The following CATSPERD variants were observed in gnomAD, a reference collection of about 807,000 sequenced individuals.
CATSPERD encodes cation channel sperm-associated auxiliary subunit delta.
Under a neutral mutation model 98.1 loss-of-function variants are expected in CATSPERD, and 86 were observed. That is an observed-to-expected ratio of 0.88 (90% CI 0.74 to 1.05). The LOEUF (loss-of-function observed/expected upper bound fraction) is 1.05, where lower values mean the gene tolerates loss of function less well. Among genes scored for constraint, CATSPERD ranks in the 50% least tolerant of loss-of-function variants. CATSPERD has a pLI of 0.00. For synonymous variants in CATSPERD, 394 were observed against 390.2 expected, an observed-to-expected ratio of 1.01 and a Z score of -0.12; for missense variants, 995 against 1,005.7, an observed-to-expected ratio of 0.99 and a Z score of 0.14.
At chr19:5,777,872 C>T (rs1311426601) in intron 21 of CATSPERD, among the ~76,000 whole-genome samples, 2 of 148,546 alleles carry the variant, frequency 1.3e-5, no homozygotes, top group African/African-American at 2.5e-5. Context: ...CAGATTCCAC[C>T]GTTTCAAAAA....
chr19:5,769,475 A>C (rs1213964789), intron 18 of CATSPERD, among the ~76,000 whole-genome samples: 2 of 152,010 alleles, frequency 1.3e-5, no homozygotes, highest in Non-Finnish European at 2.9e-5. Flanking sequence ...CCACTCCAAC[A>C]CTAGGGATCC....
intron 16 of CATSPERD, among the ~76,000 whole-genome samples, chr19:5,765,411 TTCATTCATTCATTCATTC>T (rs2056518893): frequency 1.4e-4 from 5 of 36,382 alleles, no homozygotes; most frequent in Admixed American, 8.9e-4. Context: ...GATTTATTCA[TTCATTCATTCATTCATTC>T]ATTCATTCAT....
rs948117241 is a variant in CATSPERD at position 5,758,036 on chromosome 19, C to A, written c.1368+104C>A. 9.7e-6 allele frequency: 9 copies of A among 928,974 alleles called. No individual in the cohort carries two copies. The African/African-American group carries it at 1.2e-4, about 12-fold the overall frequency. 57.5% of individuals were successfully genotyped at this position (928,974 alleles called of 1,614,324 possible). On this transcript the variant is annotated intron_variant, in intron 14 of 21. Coordinates refer to ENST00000381624, the MANE Select transcript of CATSPERD (RefSeq NM_152784.4). ...ATTTAGGAGTTTCCAGGGTACATAG[C>A]CCGTGGCCGTGCCCCGCGGTGGGAA...
chr19:5,720,752 G>A lies in CATSPERD; in HGVS notation c.15G>A (p.Met5Ile). The A allele has an allele frequency of 1.2e-6, 2 of 1,605,750 alleles. No homozygotes were observed. ...AGCCCAAGTCGATGCTGATGTTGAT[G>A]CTGGTGGCGGCTGTGACCATGTGGC... MLMLMLVAAVTMWLR... is the reference protein window; with the variant it reads MLMLILVAAVTMWLR... The change falls in exon 1 of 22, where the codon ATG becomes ATA. Residue 5 changes from methionine (M) to isoleucine (I), a missense_variant. Physicochemically the swap from Met to Ile is conservative, Grantham distance 10. Coordinates refer to ENST00000381624, the MANE Select transcript of CATSPERD (RefSeq NM_152784.4).
Position 5,751,670 on chromosome 19 carries a change from A to G in CATSPERD, c.1011A>G (p.Ser337=), listed in dbSNP as rs2056224169. 6 of 1,607,436 alleles carry G rather than the reference A, an allele frequency of 3.7e-6. No homozygotes were observed. The highest frequency in any genetic ancestry group is 5.1e-6 in the Non-Finnish European group (6 of 1,175,884). Residue 337 remains serine (S), a synonymous_variant, in exon 12 of 22, where the codon TCA becomes TCG. Coordinates refer to ENST00000381624, the MANE Select transcript of CATSPERD (RefSeq NM_152784.4). ...AGTTTGCAGACCAATACATCTGGTC[A>G]GAAGACGTGGCCCTGATGTTCAGGA... ...IIKFADQYIW[S]EDVALMFRSP... is the part of the protein sequence containing the mutation.
chr19:5,750,320 C>CG (rs1256027724), intron 11 of CATSPERD, among the ~76,000 whole-genome samples: 4 of 149,722 alleles, frequency 2.7e-5, no homozygotes, highest in South Asian at 2.1e-4. Flanking sequence ...GGCGTGGTGG[C>CG]GGCACCTGTA....
intron 17 of CATSPERD, among the ~76,000 whole-genome samples, chr19:5,767,402 G>C (rs1194243134): frequency 6.6e-6 from 1 of 150,406 alleles, no homozygotes; most frequent in Non-Finnish European, 1.5e-5. Flanking sequence ...CCCAGAGCTG[G>C]GGTCTCTCAG....
intron 15 of CATSPERD, among the ~76,000 whole-genome samples, chr19:5,761,850 C>T (rs1167362264): frequency 1.3e-5 from 2 of 150,718 alleles, no homozygotes; most frequent in Non-Finnish European, 1.5e-5. Flanking sequence ...CTATAGTTCC[C>T]GAGTAGCTGG....
At chr19:5,776,087 C>T (rs1308096663) in intron 20 of CATSPERD, 74 bp from the exon 21 acceptor site, 9 of 1,540,828 alleles carry the variant, frequency 5.8e-6, no homozygotes, top group Admixed American at 1.8e-5. Flanking sequence ...TGCAGGGCCT[C>T]CGCAGGGAGG....
chr19:5,724,860 G>T lies in CATSPERD; in HGVS notation c.124G>T (p.Gly42Trp). ...KVFNLIQDVQ[G>W]DRLYFHPTTT... ...GTTTAATCTGATACAGGACGTTCAA[G>T]GGGTATGTGGCTCCATGCTTAAATT... Residue 42 changes from glycine to tryptophan, a missense_variant and splice_region_variant, in exon 2 of 22, where the codon GGG becomes TGG. Physicochemically the swap from Gly to Trp is radical, Grantham distance 184 (BLOSUM62 -2). This residue lies in a region of CATSPERD where 228 missense variants were observed against 209.6 expected (regional missense o/e 1.09). Coordinates refer to ENST00000381624, the MANE Select transcript of CATSPERD (RefSeq NM_152784.4). 2 of 1,613,928 alleles carry T rather than the reference G, an allele frequency of 1.2e-6. No individual in the cohort carries two copies. The highest frequency in any genetic ancestry group is 1.7e-6 in the Non-Finnish European group (2 of 1,179,790).
chr19:5,768,537 T>G (rs2056586616), intron 18 of CATSPERD, among the ~76,000 whole-genome samples: 1 of 151,878 alleles, frequency 6.6e-6, no homozygotes, highest in South Asian at 2.1e-4. Context: ...GAGGTTTCAC[T>G]GTGTTAGCCA....
intron 17 of CATSPERD, among the ~76,000 whole-genome samples, chr19:5,766,461 A>G (rs1263479615): frequency 3.5e-3 from 18 of 5,140 alleles, no homozygotes; most frequent in Non-Finnish European, 0.013. Context: ...CTCGTCTTGA[A>G]AAAAAAAAAA....
chr19:5,777,366 C>T (rs1400907281), intron 21 of CATSPERD, among the ~76,000 whole-genome samples: 2 of 152,180 alleles, frequency 1.3e-5, no homozygotes, highest in Admixed American at 6.6e-5. Context: ...CCCTGCATCA[C>T]GTGACCTGCA....
In CATSPERD at chr19:5,760,022, C is replaced by T. The variant is rs554161387; in HGVS notation, c.1427+878C>T. ...CCAGGAGGTGGAGCTTGCAGTGAGC[C>T]GAGATTGTGGCACTGCACTCCAGCC... On this transcript the variant is annotated intron_variant, in intron 15 of 21. Coordinates refer to ENST00000381624, the MANE Select transcript of CATSPERD (RefSeq NM_152784.4). 1.1e-3 allele frequency among the ~76,000 whole-genome samples: 142 copies of T among 128,006 alleles called. 1 individual carries two copies. Among genetic ancestry groups the T allele is most frequent in the Admixed American group, 1.2e-3 (12 of 10,016 alleles). 84.0% of individuals were successfully genotyped at this position (128,006 alleles called of 152,430 possible).
At chr19:5,748,561 G>A (rs1599549800) in intron 10 of CATSPERD, among the ~76,000 whole-genome samples, 1 of 149,392 alleles carries the variant, frequency 6.7e-6, no homozygotes, top group East Asian at 2.0e-4. Flanking sequence ...AACCCGGGAG[G>A]TGGAGTGAGC....
intron 5 of CATSPERD, among the ~76,000 whole-genome samples, chr19:5,736,824 G>C (rs1241335426): frequency 6.6e-6 from 1 of 152,102 alleles, no homozygotes; most frequent in African/African-American, 2.4e-5. Context: ...TTGGGAGGCC[G>C]AGGTGGGTGG....
intron 21 of CATSPERD, 31 bp from the exon 22 acceptor site, chr19:5,778,345 A>G (rs776324343): frequency 1.4e-5 from 22 of 1,572,952 alleles, no homozygotes; most frequent in Non-Finnish European, 1.8e-5. Flanking sequence ...GGCAATGCCC[A>G]ACAGCCTCTC....
At position 5,763,232 on chromosome 19, in the gene CATSPERD, T is replaced by A; in HGVS notation, c.1445T>A (p.Met482Lys). ...CCTTGCAGTTTAAAGAAAGCCACCA[T>A]GTCTACCTTAACTGTGGACATAGCA... is the stretch of plus-strand genomic sequence containing the variant. ...NFTSSLKKAT[M>K]STLTVDIANK... Residue 482 changes from methionine to lysine, a missense_variant, in exon 16 of 22, where the codon ATG (methionine) becomes AAG (lysine). Physicochemically the swap from Met to Lys is moderately conservative, Grantham distance 95. This residue lies in a region of CATSPERD where 762 missense variants were observed against 773.7 expected (regional missense o/e 0.98). Coordinates refer to ENST00000381624, the MANE Select transcript of CATSPERD (RefSeq NM_152784.4). The A allele has an allele frequency of 6.2e-7, 1 of 1,614,136 alleles. No homozygotes were observed. Among genetic ancestry groups the A allele is most frequent in the Non-Finnish European group, 8.5e-7 (1 of 1,180,010 alleles).
At chr19:5,752,890 T>C (rs1456796294) in intron 12 of CATSPERD, among the ~76,000 whole-genome samples, 3 of 151,856 alleles carry the variant, frequency 2.0e-5, no homozygotes, top group Non-Finnish European at 4.4e-5. Context: ...TAGATGGGCG[T>C]GCTGGCACAT....
Sources: allele counts gnomAD v4.1 joint callset (sites outside exome capture counted in the v4.1 genomes callset), GRCh38; gene constraint gnomAD v4.1.1; regional missense constraint gnomAD v4.1.1; transcripts MANE v1.5; gene names NCBI Gene and HGNC (gene_info 2026-07-23, HGNC 2026-07-21).